The following WASL variants were observed in gnomAD, a reference collection of about 807,000 sequenced individuals.
WASL encodes actin nucleation-promoting factor WASL.
Under a neutral mutation model 55.5 loss-of-function variants are expected in WASL, and 20 were observed. The observed-to-expected ratio is 0.36, with a 90% confidence interval of 0.25 to 0.52. WASL has a LOEUF of 0.52. Ranked by LOEUF, WASL falls within the 20% of genes least tolerant of loss-of-function variation. The pLI, the probability that WASL is intolerant of heterozygous loss-of-function variation, is 0.92. For synonymous variants in WASL, 249 were observed against 217.6 expected (o/e 1.14, Z -1.27); for missense variants, 504 against 622.5 (o/e 0.81, Z 2.03).
At chr7:123,693,903 A>G (rs557228784) in intron 8 of WASL, among the ~76,000 whole-genome samples, 1 of 152,302 alleles carries the variant, frequency 6.6e-6, no homozygotes, top group East Asian at 1.9e-4. Flanking sequence ...ATATCCTGAG[A>G]CTAGTACTGG....
chr7:123,739,388 T>C (rs553663972), intron 1 of WASL, among the ~76,000 whole-genome samples: 1 of 152,352 alleles, frequency 6.6e-6, no homozygotes, highest in African/African-American at 2.4e-5. Flanking sequence ...TTTCCTGATA[T>C]AAACACTCCC....
chr7:123,693,684 G>A (rs977928575), intron 8 of WASL, among the ~76,000 whole-genome samples: 6 of 152,158 alleles, frequency 3.9e-5, no homozygotes, highest in African/African-American at 1.4e-4. Context: ...AAATAAACTT[G>A]GCTGAGCATG....
intron 1 of WASL, among the ~76,000 whole-genome samples, chr7:123,719,252 A>C (rs1238734163): frequency 6.6e-6 from 1 of 152,168 alleles, no homozygotes; most frequent in African/African-American, 2.4e-5. Flanking sequence ...GTGCAGCCTC[A>C]TTGTCATCTA....
intron 10 of WASL, 83 bp downstream of exon 10, chr7:123,688,959 G>C (rs1803346326): frequency 8.5e-7 from 1 of 1,181,244 alleles, no homozygotes; most frequent in African/African-American, 1.5e-5. Flanking sequence ...AAAAATAACA[G>C]AACGTCAAAC....
At chr7:123,746,613 TG>T (rs1804434535) in intron 1 of WASL, among the ~76,000 whole-genome samples, 1 of 152,198 alleles carries the variant, frequency 6.6e-6, no homozygotes, top group Admixed American at 6.5e-5. Context: ...AGCAGACAAC[TG>T]AAAGTGTGGT....
intron 5 of WASL, among the ~76,000 whole-genome samples, chr7:123,703,575 C>T (rs772308469): frequency 2.0e-5 from 3 of 152,098 alleles, no homozygotes; most frequent in Non-Finnish European, 2.9e-5. Flanking sequence ...TTAAGCACTA[C>T]TGAAGGTAGT....
At chr7:123,737,217 C>T (rs763366101) in intron 1 of WASL, among the ~76,000 whole-genome samples, 20 of 152,116 alleles carry the variant, frequency 1.3e-4, no homozygotes, top group Non-Finnish European at 2.2e-4. Context: ...GGGCTGTATT[C>T]AAAACCGTCC....
At chr7:123,726,061 C>T (rs997155435) in intron 1 of WASL, among the ~76,000 whole-genome samples, 4 of 152,114 alleles carry the variant, frequency 2.6e-5, no homozygotes, top group Non-Finnish European at 5.9e-5. Flanking sequence ...GTTAATGTTA[C>T]AGACCAGTAT....
At chr7:123,713,508 T>C (rs972265444) in intron 1 of WASL, among the ~76,000 whole-genome samples, 3 of 152,162 alleles carry the variant, frequency 2.0e-5, no homozygotes, top group Non-Finnish European at 4.4e-5. Context: ...GGAAATCATA[T>C]GACTTAACAA....
chr7:123,738,198 T>G (rs546478064), intron 1 of WASL, among the ~76,000 whole-genome samples: 1 of 152,144 alleles, frequency 6.6e-6, no homozygotes, highest in South Asian at 2.1e-4. Context: ...TAACTTGATA[T>G]AAGGCAGTAA....
chr7:123,738,477 G>C (rs887162363), intron 1 of WASL, among the ~76,000 whole-genome samples: 2 of 152,146 alleles, frequency 1.3e-5, no homozygotes, highest in Non-Finnish European at 2.9e-5. Flanking sequence ...ATCAACACTA[G>C]AGTCCAAAGT....
rs367962329 is a variant in WASL, at chr7:123,696,412, T to TAA, written c.629+165_629+166dup. 2.5e-4 allele frequency among the ~76,000 whole-genome samples: 34 copies of TAA among 136,256 alleles called. No homozygotes were observed. In the South Asian group the frequency reaches 5.6e-3, roughly 23 times the overall value. The allele number at this position is 136,256 out of a possible 152,430, so 89.4% of individuals were successfully genotyped here. A position where few individuals can be genotyped will look rare whatever the true frequency, so the allele number is the denominator to read the frequency against. On this transcript the variant is annotated intron_variant, in intron 6 of 10. Coordinates refer to ENST00000223023, the MANE Select transcript of WASL (RefSeq NM_003941.4). Reference sequence around the variant, plus strand: ...AAGAACATCTATTGAGCAGCTGCCTTAAAAAAAAAAAAAAACTCCAATAAA... The same window carrying TAA: ...AAGAACATCTATTGAGCAGCTGCCTTAAAAAAAAAAAAAAAAACTCCAATAAA...
At chr7:123,726,857 C>T (rs1012040712) in intron 1 of WASL, among the ~76,000 whole-genome samples, 26 of 148,144 alleles carry the variant, frequency 1.8e-4, no homozygotes, top group African/African-American at 6.1e-4. Flanking sequence ...CAGAGTGAGA[C>T]TTCATCTCAA....
At position 123,708,941 on chromosome 7, in the gene WASL, A is replaced by G. The variant is rs1584863034; in HGVS notation, c.252+148T>C. 8 of 686,814 alleles carry G rather than the reference A, an allele frequency of 1.2e-5. No homozygotes were observed. In the East Asian group the frequency reaches 2.7e-4, roughly 23 times the overall value. The allele number at this position is 686,814 out of a possible 1,614,324, so 42.5% of individuals were successfully genotyped here. On this transcript the variant is annotated intron_variant, in intron 2 of 10. Transcript: ENST00000223023. The stretch of plus-strand genomic sequence containing the variant: ...CCATTTGGTCATGATTTCCGTATGC[A>G]ATATCTAAAAACCAAGCTTCACTCT...
intron 1 of WASL, among the ~76,000 whole-genome samples, chr7:123,723,021 T>A (rs1347019160): frequency 6.6e-6 from 1 of 152,168 alleles, no homozygotes; most frequent in Non-Finnish European, 1.5e-5. Context: ...AATGTGGTTT[T>A]AAGCAATTAC....
chr7:123,709,033 A>G, intron 2 of WASL, 56 bp downstream of exon 2: 1 of 1,475,760 alleles, frequency 6.8e-7, no homozygotes, highest in Middle Eastern at 1.8e-4. Context: ...ACTAAATTAT[A>G]ATTGATATAG....
Position 123,692,514 on chromosome 7 carries a change from C to CTAT in WASL, c.1179_1180insATA (p.Ser393_Asp394insIle), listed in dbSNP as rs768523001. 3 of 1,613,996 alleles carry CTAT rather than the reference C, an allele frequency of 1.9e-6. No individual in the cohort carries two copies. The East Asian group carries it at 6.7e-5, about 36-fold the overall frequency. On this transcript the variant is annotated inframe_insertion, in exon 9 of 11. Transcript: ENST00000223023. ...GTAGTTGGAACCTGATGGTCCCCAT[C>CTAT]AGAAGGCAGGCCAGGCGGGGGCGGT...
Position 123,692,668 on chromosome 7 carries a change from C to T in WASL, c.1026G>A (p.Met342Ile), listed in dbSNP as rs944963680. The T allele has an allele frequency of 3.9e-6, 6 of 1,550,788 alleles. No homozygotes were observed. Among genetic ancestry groups the T allele is most frequent in the African/African-American group, 1.4e-5 (1 of 72,142 alleles). Residue 342 changes from methionine (M) to isoleucine (I), a missense_variant, in exon 9 of 11, where the codon ATG (methionine) becomes ATA (isoleucine). Around this residue, in one of 5 missense-constraint regions of WASL, gnomAD observed 201 missense variants for 206.2 expected, o/e 0.97. Coordinates refer to ENST00000223023, the MANE Select transcript of WASL (RefSeq NM_003941.4). ...GAAGGGCTGGAGGTGGAGGAGGGTACATCCTATTTGGCGGTGGTGGAGGGA... is the reference window on the plus strand; with the variant it reads ...GAAGGGCTGGAGGTGGAGGAGGGTATATCCTATTTGGCGGTGGTGGAGGGA... ...VAVPPPPPNR[M>I]YPPPPPALPS...
intron 1 of WASL, among the ~76,000 whole-genome samples, chr7:123,714,856 T>C (rs555687479): frequency 1.6e-3 from 250 of 152,146 alleles, no homozygotes; most frequent in Middle Eastern, 0.01. Context: ...ACATCTTACC[T>C]GAAGAATGAA....
Sources: gnomAD v4.1 joint callset for allele counts (sites outside exome capture counted in the v4.1 genomes callset) on GRCh38, gnomAD v4.1.1 for gene constraint, gnomAD v4.1.1 regional missense constraint, MANE v1.5 for transcripts, NCBI Gene and HGNC (gene_info 2026-07-23, HGNC 2026-07-21) for gene names.